CORO2B: variants seen among roughly 807,000 people sequenced by gnomAD.
CORO2B encodes the protein coronin-2B.
In CORO2B, 26 loss-of-function variants were observed where a neutral mutation model predicts 58.8. That is an observed-to-expected ratio of 0.44 (90% CI 0.32 to 0.61). The LOEUF is 0.61. CORO2B is among the 20% of genes least tolerant of loss of function. The probability of loss-of-function intolerance (pLI) is 0.04; values close to 1 mark genes in which losing one functional copy is unlikely to be tolerated. For synonymous variants in CORO2B, 242 were observed against 253.8 expected (o/e 0.95, Z 0.44); for missense variants, 460 against 645.1 (o/e 0.71, Z 3.11).
At chr15:68,579,406 C>A in intron 1 of CORO2B, 129 bp downstream of exon 1, 1 of 942,454 alleles carries the variant, frequency 1.1e-6, no homozygotes, top group Non-Finnish European at 1.3e-6. Context: ...GCGCGCGCCT[C>A]TCTTGCTGCC....
chr15:68,630,701 G>A (rs770447878), intron 1 of CORO2B, among the ~76,000 whole-genome samples: 11 of 152,128 alleles, frequency 7.2e-5, no homozygotes, highest in South Asian at 2.1e-4. Context: ...CAAGAGTTGC[G>A]GAGGAAGGAG....
chr15:68,710,720 C>T lies in CORO2B; in HGVS notation c.334-12C>T, dbSNP rs1402908509. 5 of 1,587,982 alleles carry T rather than the reference C, an allele frequency of 3.1e-6. No homozygotes were observed. Among genetic ancestry groups the T allele is most frequent in the Non-Finnish European group, 4.3e-6 (5 of 1,164,976 alleles). ...GTGTCCACCCAGCCTGGACCCTCAT[C>T]TCCCTCTGCAGGTGCGGATCTGGGA... is the stretch of plus-strand genomic sequence containing the variant. On this transcript the variant is annotated splice_polypyrimidine_tract_variant and intron_variant, in intron 3 of 11. Coordinates refer to ENST00000261861, the MANE Select transcript of CORO2B (RefSeq NM_006091.5). This position sits in a 1 kb window ranked among gnomAD's most constrained non-coding sequence, Gnocchi z 4.1.
Position 68,715,239 on chromosome 15 carries a change from G to A in CORO2B, c.895G>A (p.Glu299Lys), listed in dbSNP as rs1418170409. The change falls in exon 8 of 12, where the codon GAG becomes AAG. Residue 299 changes from glutamate to lysine, a missense_variant. Physicochemically the swap from Glu to Lys is moderately conservative, Grantham distance 56. Around this residue, in one of 2 missense-constraint regions of CORO2B, gnomAD observed 352 missense variants for 543.0 expected, o/e 0.65. Transcript: ENST00000261861. Reference protein sequence around the residue: ...GKGDGNIRYYEISTEKPYLSY... With the variant: ...GKGDGNIRYYKISTEKPYLSY... ...GGGTGATGGAAACATCCGGTACTACGAGATCAGCACTGAGAAGCCCTACCT... is the reference window on the plus strand; with the variant it reads ...GGGTGATGGAAACATCCGGTACTACAAGATCAGCACTGAGAAGCCCTACCT... 2 of 1,613,982 alleles carry A rather than the reference G, an allele frequency of 1.2e-6. No individual in the cohort carries two copies. The highest frequency in any genetic ancestry group is 1.7e-6 in the Non-Finnish European group (2 of 1,179,976).
At chr15:68,684,259 G>C (rs748336932) in intron 2 of CORO2B, among the ~76,000 whole-genome samples, 1 of 152,166 alleles carries the variant, frequency 6.6e-6, no homozygotes, top group East Asian at 1.9e-4. Flanking sequence ...TCTCTAAAAG[G>C]CTCCTGTCAA....
chr15:68,677,604 C>T (rs1259092202), intron 2 of CORO2B, among the ~76,000 whole-genome samples: 2 of 152,148 alleles, frequency 1.3e-5, no homozygotes, highest in Non-Finnish European at 2.9e-5. Flanking sequence ...TACTTGGGAG[C>T]GGACCTTCAA....
chr15:68,557,483 G>A, the CORO2B span, among the ~76,000 whole-genome samples: 1 of 152,096 alleles, frequency 6.6e-6, no homozygotes, highest in Non-Finnish European at 1.5e-5. Flanking sequence ...TCTATCCAAG[G>A]TCATGGCAGA....
At chr15:68,694,921 CT>C (rs1288934449) in intron 2 of CORO2B, among the ~76,000 whole-genome samples, 4 of 152,154 alleles carry the variant, frequency 2.6e-5, no homozygotes, top group African/African-American at 9.7e-5. Flanking sequence ...GCTGTGTGGC[CT>C]CCCTGAACCA....
the CORO2B span, among the ~76,000 whole-genome samples, chr15:68,520,309 C>CTA: frequency 6.6e-6 from 1 of 152,184 alleles, no homozygotes; most frequent in African/African-American, 2.4e-5. Flanking sequence ...TTGTTCAGAT[C>CTA]TATATCCTTA....
At chr15:68,541,517 GAACT>G in the CORO2B span, among the ~76,000 whole-genome samples, 2,457 of 152,234 alleles carry the variant, frequency 0.016, 58 homozygotes, top group African/African-American at 0.057. Flanking sequence ...ATAATAAGCT[GAACT>G]CGAAGGAATC....
intron 5 of CORO2B, among the ~76,000 whole-genome samples, chr15:68,712,102 G>GGT (rs1366231454): frequency 2.0e-5 from 3 of 152,164 alleles, no homozygotes; most frequent in Non-Finnish European, 4.4e-5. Flanking sequence ...AAATGGCTAG[G>GGT]GTGCCAAGGC....
chr15:68,714,724 C>T, intron 7 of CORO2B, 61 bp downstream of exon 7: 1 of 1,266,212 alleles, frequency 7.9e-7, no homozygotes. Context: ...CTCAATGCAC[C>T]CCTGCACCTG....
chr15:68,694,585 G>A (rs1407149874), intron 2 of CORO2B, among the ~76,000 whole-genome samples: 5 of 152,206 alleles, frequency 3.3e-5, no homozygotes. Flanking sequence ...GCTCGTGTAA[G>A]AGTATATAGG....
At chr15:68,677,860 T>C (rs1248546801) in intron 2 of CORO2B, among the ~76,000 whole-genome samples, 2 of 152,170 alleles carry the variant, frequency 1.3e-5, no homozygotes, top group East Asian at 3.9e-4. Flanking sequence ...TCCCCTCTAC[T>C]GTGTCAAGAA....
At chr15:68,622,993 C>G (rs1183615577) in intron 1 of CORO2B, among the ~76,000 whole-genome samples, 2 of 152,026 alleles carry the variant, frequency 1.3e-5, no homozygotes, top group Non-Finnish European at 2.9e-5. Flanking sequence ...ATTAATATCA[C>G]CCCTCTTTTA....
the CORO2B span, among the ~76,000 whole-genome samples, chr15:68,536,489 C>T: frequency 6.6e-6 from 1 of 152,206 alleles, no homozygotes; most frequent in Non-Finnish European, 1.5e-5. Context: ...TATAATAGCA[C>T]AGCATTTCAG....
At chr15:68,690,319 GAC>G (rs2036647243) in intron 2 of CORO2B, among the ~76,000 whole-genome samples, 1 of 152,150 alleles carries the variant, frequency 6.6e-6, no homozygotes, top group South Asian at 2.1e-4. Context: ...CCCGTCTTGT[GAC>G]ACCCCTGCAT....
intron 1 of CORO2B, among the ~76,000 whole-genome samples, chr15:68,588,518 G>A (rs1235029581): frequency 2.6e-5 from 4 of 152,180 alleles, no homozygotes; most frequent in African/African-American, 9.7e-5. Context: ...TGTGGAAGGC[G>A]AGGGAAGGTG....
chr15:68,593,332 G>C (rs1899749325), intron 1 of CORO2B, among the ~76,000 whole-genome samples: 2 of 152,062 alleles, frequency 1.3e-5, no homozygotes, highest in Admixed American at 6.5e-5. Context: ...AAAAACTTTT[G>C]AAAAAGGGGA....
In CORO2B at chr15:68,579,112, C is replaced by T. The variant is rs1367624992; in HGVS notation, c.-151C>T. 1.0e-6 allele frequency: 1 copy of T among 982,382 alleles called. No homozygotes were observed. The highest frequency in any genetic ancestry group is 6.3e-5 in the Admixed American group (1 of 15,964). 60.9% of individuals were successfully genotyped at this position (982,382 alleles called of 1,614,324 possible). A position where few individuals can be genotyped will look rare whatever the true frequency, so the allele number is the denominator to read the frequency against. On this transcript the variant is annotated 5_prime_UTR_variant, in exon 1 of 12. Transcript: ENST00000261861. Reference sequence around the variant, plus strand: ...CGAGCGGTCCCTGCGCGCTGCCCGCCCGGAGCGCAGCCCCCAGGCTCGGCC... The same window carrying T: ...CGAGCGGTCCCTGCGCGCTGCCCGCTCGGAGCGCAGCCCCCAGGCTCGGCC...
Sources: allele counts gnomAD v4.1 joint callset (sites outside exome capture counted in the v4.1 genomes callset), GRCh38; gene constraint gnomAD v4.1.1; regional missense constraint gnomAD v4.1.1; non-coding constraint Gnocchi (gnomAD v3.1); transcripts MANE v1.5; gene names NCBI Gene and HGNC (gene_info 2026-07-23, HGNC 2026-07-21).